MRPS31: variants seen among roughly 807,000 people sequenced by gnomAD.
MRPS31 encodes the protein mitochondrial ribosomal protein S31.
A neutral mutation model predicts 43.1 loss-of-function variants in MRPS31; 32 were observed. That is an observed-to-expected ratio of 0.74 (90% CI 0.56 to 1.00). MRPS31 has a LOEUF of 1.00. MRPS31 is among the 50% of genes least tolerant of loss of function. MRPS31 has a pLI of 0.00. For synonymous variants in MRPS31, 165 were observed against 161.6 expected (o/e 1.02, Z -0.16); for missense variants, 437 against 466.7 (o/e 0.94, Z 0.59).
At chr13:40,753,306 C>T (rs1246124557) in intron 5 of MRPS31, among the ~76,000 whole-genome samples, 1 of 152,146 alleles carries the variant, frequency 6.6e-6, no homozygotes, top group Non-Finnish European at 1.5e-5. Context: ...TTCTAAGCTG[C>T]CTAAGGGCAG....
chr13:40,753,906 C>A, intron 5 of MRPS31, 113 bp downstream of exon 5: 1 of 697,410 alleles, frequency 1.4e-6, no homozygotes. Flanking sequence ...TAAGCAGGAT[C>A]CAGGCCAATG....
At chr13:40,733,672 A>G (rs1462762433) in intron 6 of MRPS31, among the ~76,000 whole-genome samples, 1 of 152,196 alleles carries the variant, frequency 6.6e-6, no homozygotes, top group Non-Finnish European at 1.5e-5. Context: ...TCTCAACAAC[A>G]TAAGACAGTG....
intron 6 of MRPS31, among the ~76,000 whole-genome samples, chr13:40,730,706 G>A (rs1484636641): frequency 2.6e-5 from 4 of 151,740 alleles, no homozygotes; most frequent in Admixed American, 2.0e-4. Flanking sequence ...GATTACAGGC[G>A]CCTGCCACCA....
intron 6 of MRPS31, among the ~76,000 whole-genome samples, chr13:40,739,045 T>C (rs1255197003): frequency 6.6e-6 from 1 of 152,196 alleles, no homozygotes; most frequent in Non-Finnish European, 1.5e-5. Flanking sequence ...AACCCCATTG[T>C]CTCAGCCCAA....
At chr13:40,740,758 G>C (rs1438104305) in intron 6 of MRPS31, among the ~76,000 whole-genome samples, 3 of 138,940 alleles carry the variant, frequency 2.2e-5, no homozygotes, top group Non-Finnish European at 4.6e-5. Context: ...GACACAGGAA[G>C]GGGAACATCA....
intron 1 of MRPS31, among the ~76,000 whole-genome samples, chr13:40,769,544 T>C (rs1370083314): frequency 6.6e-6 from 1 of 151,474 alleles, no homozygotes; most frequent in African/African-American, 2.4e-5. Context: ...TCAGAGGCTA[T>C]CAAATCAGGC....
intron 6 of MRPS31, among the ~76,000 whole-genome samples, chr13:40,740,533 A>T (rs1314347957): frequency 7.2e-6 from 1 of 139,412 alleles, no homozygotes; most frequent in Non-Finnish European, 1.5e-5. Context: ...CTTGGAACCA[A>T]CCCAAATGTC....
intron 1 of MRPS31, among the ~76,000 whole-genome samples, chr13:40,769,373 C>CATATATATATATAT (rs201190639): frequency 1.1e-4 from 7 of 65,642 alleles, no homozygotes; most frequent in Non-Finnish European, 1.7e-4. Context: ...AGACTCTGTC[C>CATATATATATATAT]ATATATATAT....
chr13:40,737,074 G>C (rs1307293060), intron 6 of MRPS31, among the ~76,000 whole-genome samples: 2 of 149,818 alleles, frequency 1.3e-5, no homozygotes, highest in South Asian at 4.2e-4. Context: ...TCAAAATAAA[G>C]GGATGGAGGA....
intron 6 of MRPS31, among the ~76,000 whole-genome samples, chr13:40,729,994 T>C (rs1879632197): frequency 6.6e-6 from 1 of 151,644 alleles, no homozygotes; most frequent in Non-Finnish European, 1.5e-5. Context: ...CCTCCCAAAG[T>C]GTTGGGATTA....
At chr13:40,741,888 T>A (rs202024607) in intron 6 of MRPS31, among the ~76,000 whole-genome samples, 1 of 140,758 alleles carries the variant, frequency 7.1e-6, no homozygotes, top group Non-Finnish European at 1.5e-5. Flanking sequence ...AGTAACAAAA[T>A]ACACACACAC....
intron 6 of MRPS31, among the ~76,000 whole-genome samples, chr13:40,735,238 C>T (rs536995884): frequency 1.5e-4 from 23 of 152,240 alleles, no homozygotes; most frequent in Non-Finnish European, 2.5e-4. Context: ...GCTTAAAAAA[C>T]GGCGCACCAG....
rs543731673 is a variant in MRPS31 at position 40,754,876 on chromosome 13, C to A, written c.741-784G>T. Among the ~76,000 whole-genome samples, 10 of 151,796 alleles carry A rather than the reference C, an allele frequency of 6.6e-5. No homozygotes were observed. The South Asian group carries it at 2.1e-3, about 32-fold the overall frequency. On this transcript the variant is annotated intron_variant, in intron 4 of 6. Transcript: ENST00000323563. Reference sequence around the variant, plus strand: ...AAACCCCGTCTCTACTAAAAACACACAAAAAAAATTAGCCAGGTGTGATGG... The same window carrying A: ...AAACCCCGTCTCTACTAAAAACACAAAAAAAAAATTAGCCAGGTGTGATGG...
chr13:40,758,645 T>C (rs1319344252), intron 3 of MRPS31, among the ~76,000 whole-genome samples: 1 of 152,220 alleles, frequency 6.6e-6, no homozygotes, highest in Non-Finnish European at 1.5e-5. Flanking sequence ...ATTACTTTTC[T>C]CAGAGAAGCT....
intron 6 of MRPS31, among the ~76,000 whole-genome samples, chr13:40,742,321 A>G (rs1880122648): frequency 6.6e-6 from 1 of 152,222 alleles, no homozygotes; most frequent in South Asian, 2.1e-4. Context: ...AAAATATGGT[A>G]CAACAAATAA....
chr13:40,736,239 T>A (rs1208196615), intron 6 of MRPS31, among the ~76,000 whole-genome samples: 1 of 152,006 alleles, frequency 6.6e-6, no homozygotes, highest in Non-Finnish European at 1.5e-5. Flanking sequence ...GAAAAGAGAA[T>A]AAAAAGAAAC....
intron 2 of MRPS31, among the ~76,000 whole-genome samples, chr13:40,762,925 T>C (rs1235374984): frequency 6.6e-6 from 1 of 152,102 alleles, no homozygotes; most frequent in Non-Finnish European, 1.5e-5. Flanking sequence ...GTCCAATCTC[T>C]AGCACTTTGG....
At position 40,759,084 on chromosome 13, in the gene MRPS31, A is replaced by T; in HGVS notation, c.463T>A (p.Leu155Met). 6.3e-7 allele frequency: 1 copy of T among 1,584,186 alleles called. No individual in the cohort carries two copies. Among genetic ancestry groups the T allele is most frequent in the Non-Finnish European group, 8.5e-7 (1 of 1,169,686 alleles). Residue 155 changes from leucine (L) to methionine (M), a missense_variant, in exon 3 of 7, where the codon TTG becomes ATG. Transcript: ENST00000323563. ...GCCACAGCAGATGCAGCTGCCACCA[A>T]CTCAGGACTCAGGGGCTCAATTCTG... is the stretch of plus-strand genomic sequence containing the variant. ...KKRIEPLSPE[L>M]VAAASAVADS... is the part of the protein sequence containing the mutation.
chr13:40,769,373 CATATATATAT>C (rs201190639), intron 1 of MRPS31, among the ~76,000 whole-genome samples: 5,134 of 65,162 alleles, frequency 0.079, 267 homozygotes, highest in Non-Finnish European at 0.1. Flanking sequence ...AGACTCTGTC[CATATATATAT>C]ATATATATAT....
Sources: allele counts gnomAD v4.1 joint callset (sites outside exome capture counted in the v4.1 genomes callset), GRCh38; gene constraint gnomAD v4.1.1; transcripts MANE v1.5; gene names NCBI Gene and HGNC (gene_info 2026-07-23, HGNC 2026-07-21).